The following TMPRSS13 variants were observed in gnomAD, a reference collection of about 807,000 sequenced individuals.
The protein encoded by TMPRSS13 is transmembrane protease serine 13.
Under a neutral mutation model 68.4 loss-of-function variants are expected in TMPRSS13, and 50 were observed. That is an observed-to-expected ratio of 0.73 (90% CI 0.58 to 0.93). The LOEUF (loss-of-function observed/expected upper bound fraction) is 0.93, where lower values mean the gene tolerates loss of function less well. TMPRSS13 is among the 40% of genes least tolerant of loss of function. The probability of loss-of-function intolerance (pLI) is 0.00; values close to 1 mark genes in which losing one functional copy is unlikely to be tolerated. For synonymous variants in TMPRSS13, 267 were observed against 285.8 expected (o/e 0.93, Z 0.66); for missense variants, 615 against 729.2 (o/e 0.84, Z 1.80).
chr11:117,911,658 G>A, intron 6 of TMPRSS13, 110 bp downstream of exon 6: 1 of 792,302 alleles, frequency 1.3e-6, no homozygotes, highest in South Asian at 1.6e-5. Context: ...GTGGACTCCT[G>A]GAGGCTGGAT....
chr11:117,909,797 G>A lies in TMPRSS13; in HGVS notation c.1109+9C>T. On this transcript the variant is annotated intron_variant, in intron 8 of 12. Coordinates refer to ENST00000524993, the MANE Select transcript of TMPRSS13 (RefSeq NM_001077263.3). ...GCAGTGTCAAATCACCTGCCTCTCA[G>A]GCACTTACACGAAGAAGCAGTGGGC... The A allele has an allele frequency of 6.2e-7, 1 of 1,605,496 alleles. No homozygotes were observed. The highest frequency in any genetic ancestry group is 8.5e-7 in the Non-Finnish European group (1 of 1,176,306).
Position 117,925,342 on chromosome 11 carries a change from A to T in TMPRSS13, c.21+3945T>A, listed in dbSNP as rs1674145012. The stretch of plus-strand genomic sequence containing the variant: ...CCGATGCCTCCTGTGCACATGAAAA[A>T]GCTCAAGGAATCCCTGTTAGACCAG... On this transcript the variant is annotated intron_variant, in intron 1 of 12. Transcript: ENST00000524993. 2.0e-5 allele frequency among the ~76,000 whole-genome samples: 3 copies of T among 152,234 alleles called. No individual in the cohort carries two copies. The South Asian group carries it at 6.2e-4, about 32-fold the overall frequency.
intron 8 of TMPRSS13, among the ~76,000 whole-genome samples, chr11:117,908,990 T>C (rs565382667): frequency 6.6e-6 from 1 of 152,306 alleles, no homozygotes; most frequent in African/African-American, 2.4e-5. Context: ...CTTGCAGCTC[T>C]GCACCTTACA....
At chr11:117,919,629 G>A (rs527543945) in intron 1 of TMPRSS13, among the ~76,000 whole-genome samples, 1 of 152,190 alleles carries the variant, frequency 6.6e-6, no homozygotes, top group Non-Finnish European at 1.5e-5. Flanking sequence ...CCATAAGCCG[G>A]GACAATAAAA....
rs73022410 is a variant in TMPRSS13 at position 117,915,027 on chromosome 11, G to C, written c.557-513C>G. 0.056 allele frequency among the ~76,000 whole-genome samples: 8,472 copies of C among 152,124 alleles called. 349 individuals carry two copies. The highest frequency in any genetic ancestry group is 0.12 in the East Asian group (623 of 5,170). ...AGCCTCAAAAGCTCCTAGGTTTTTT[G>C]CTTCTCCCTCTCCCCTGCGCAAGGG... is the stretch of plus-strand genomic sequence containing the variant. On this transcript the variant is annotated intron_variant, in intron 3 of 12. Coordinates refer to ENST00000524993, the MANE Select transcript of TMPRSS13 (RefSeq NM_001077263.3). The surrounding 1 kb of genome is among the most constrained non-coding windows in gnomAD (Gnocchi z 4.9).
At position 117,903,911 on chromosome 11, in the gene TMPRSS13, C is replaced by T. The variant is rs2057435485; in HGVS notation, c.1524+48G>A. On this transcript the variant is annotated intron_variant, in intron 11 of 12. Transcript: ENST00000524993. ...ATCAGCCCCAACACCCCTGCCTCCCCCATCCCCAGGGTGCTGGGACCTGAG... is the reference window on the plus strand; with the variant it reads ...ATCAGCCCCAACACCCCTGCCTCCCTCATCCCCAGGGTGCTGGGACCTGAG... 4 of 1,600,934 alleles carry T rather than the reference C, an allele frequency of 2.5e-6. No individual in the cohort carries two copies. The East Asian group carries it at 9.1e-5, about 36-fold the overall frequency.
At chr11:117,921,705 G>C (rs1369313894) in intron 1 of TMPRSS13, among the ~76,000 whole-genome samples, 2 of 152,204 alleles carry the variant, frequency 1.3e-5, no homozygotes, top group African/African-American at 4.8e-5. Flanking sequence ...CTGGGTCTGG[G>C]GGTATCTAGC....
At chr11:117,908,447 T>C (rs2057485392) in intron 9 of TMPRSS13, 165 bp downstream of exon 9, 1 of 732,422 alleles carries the variant, frequency 1.4e-6, no homozygotes, top group East Asian at 2.7e-5. Flanking sequence ...GTTTCCCTAA[T>C]TATAAAACAG....
intron 10 of TMPRSS13, among the ~76,000 whole-genome samples, chr11:117,904,519 C>A (rs1228412484): frequency 1.3e-5 from 2 of 152,084 alleles, no homozygotes; most frequent in African/African-American, 4.8e-5. Context: ...GGAGAAGTGA[C>A]CTGCCCACAG....
intron 9 of TMPRSS13, among the ~76,000 whole-genome samples, chr11:117,906,678 A>G (rs902785544): frequency 1.3e-5 from 2 of 152,220 alleles, no homozygotes; most frequent in Admixed American, 1.3e-4. Context: ...CAAAAAATAG[A>G]TGAAGGAATA....
Position 117,914,672 on chromosome 11 carries a change from GGAATGCTCCA to G in TMPRSS13, c.557-168_557-159del, listed in dbSNP as rs1288676647. On this transcript the variant is annotated intron_variant, in intron 3 of 12. Transcript: ENST00000524993. The surrounding 1 kb of genome is among the most constrained non-coding windows in gnomAD (Gnocchi z 4.2). ...TCTGTATGGAGAGAAAGGCTGCTCA[GGAATGCTCCA>G]GAATGCTCCAGAAAGCTCCTGCAAG... Among the ~76,000 whole-genome samples the G allele has an allele frequency of 1.3e-5, 2 of 152,090 alleles. No individual in the cohort carries two copies. Among genetic ancestry groups the G allele is most frequent in the African/African-American group, 4.8e-5 (2 of 41,410 alleles).
intron 1 of TMPRSS13, among the ~76,000 whole-genome samples, chr11:117,927,614 A>G (rs750306419): frequency 6.6e-6 from 1 of 152,134 alleles, no homozygotes; most frequent in Non-Finnish European, 1.5e-5. Context: ...ATCACAATGC[A>G]TCTCTCTGCA....
intron 6 of TMPRSS13, among the ~76,000 whole-genome samples, chr11:117,911,146 C>A (rs2057519224): frequency 6.6e-6 from 1 of 152,204 alleles, no homozygotes; most frequent in Non-Finnish European, 1.5e-5. Context: ...GAGCTGGCAT[C>A]CAGCTGCAGC....
At chr11:117,905,351 C>T (rs532918072) in intron 10 of TMPRSS13, among the ~76,000 whole-genome samples, 1 of 152,282 alleles carries the variant, frequency 6.6e-6, no homozygotes, top group Admixed American at 6.5e-5. Context: ...CATGGTTCTT[C>T]ATGGTGTGTT....
chr11:117,914,777 G>C lies in TMPRSS13; in HGVS notation c.557-263C>G, dbSNP rs141980055. Among the ~76,000 whole-genome samples, 1 of 152,138 alleles carries C rather than the reference G, an allele frequency of 6.6e-6. No homozygotes were observed. Among genetic ancestry groups the C allele is most frequent in the Non-Finnish European group, 1.5e-5 (1 of 68,034 alleles). On this transcript the variant is annotated intron_variant, in intron 3 of 12. Transcript: ENST00000524993. The surrounding 1 kb of genome is among the most constrained non-coding windows in gnomAD (Gnocchi z 4.2). ...AGAGAGAAAGAGAGAGAGAGACAGA[G>C]AGTGCTGTGGAGATGGGGACCACCT... is the stretch of plus-strand genomic sequence containing the variant.
At chr11:117,902,294 A>C in intron 12 of TMPRSS13, 29 bp from the exon 13 acceptor site, 1 of 1,613,370 alleles carries the variant, frequency 6.2e-7, no homozygotes, top group Non-Finnish European at 8.5e-7. Context: ...GAAGAGGGTG[A>C]GGGTGGGCCA....
At position 117,924,766 on chromosome 11, in the gene TMPRSS13, C is replaced by T. The variant is rs146164297; in HGVS notation, c.21+4521G>A. Reference sequence around the variant, plus strand: ...TCCAGGTTCCCAAGGCCCTTTCCTACTCTCCCCCTCCCCGAACCCAGAGAA... The same window carrying T: ...TCCAGGTTCCCAAGGCCCTTTCCTATTCTCCCCCTCCCCGAACCCAGAGAA... On this transcript the variant is annotated intron_variant, in intron 1 of 12. Coordinates refer to ENST00000524993, the MANE Select transcript of TMPRSS13 (RefSeq NM_001077263.3). Among the ~76,000 whole-genome samples the T allele has an allele frequency of 3.4e-3, 510 of 152,228 alleles. 1 individual carries two copies. The highest frequency in any genetic ancestry group is 0.014 in the Middle Eastern group (4 of 294).
At chr11:117,904,603 G>A (rs559115399) in intron 10 of TMPRSS13, among the ~76,000 whole-genome samples, 7 of 152,118 alleles carry the variant, frequency 4.6e-5, no homozygotes, top group Non-Finnish European at 7.4e-5. Context: ...TCTGCCTCAC[G>A]GAGGGAGGGA....
In TMPRSS13 at chr11:117,903,745, G is replaced by A. The variant is rs1565344156; in HGVS notation, c.1587C>T (p.Thr529=). ...QNNRWYLAGV[T]SWGTGCGQRN... ...TCTGGCCACAGCCTGTGCCCCAGCTGGTGACACCTGCCAGGTACCAGCGGT... is the reference window on the plus strand; with the variant it reads ...TCTGGCCACAGCCTGTGCCCCAGCTAGTGACACCTGCCAGGTACCAGCGGT... The change falls in exon 12 of 13, where the codon ACC becomes ACT. Residue 529 remains threonine, a synonymous_variant. Coordinates refer to ENST00000524993, the MANE Select transcript of TMPRSS13 (RefSeq NM_001077263.3). 7.4e-6 allele frequency: 12 copies of A among 1,613,016 alleles called. No homozygotes were observed. The highest frequency in any genetic ancestry group is 8.5e-6 in the Non-Finnish European group (10 of 1,179,572).
Sources: gnomAD v4.1 joint callset for allele counts (sites outside exome capture counted in the v4.1 genomes callset) on GRCh38, gnomAD v4.1.1 for gene constraint, Gnocchi (gnomAD v3.1) non-coding constraint, MANE v1.5 for transcripts, NCBI Gene and HGNC (gene_info 2026-07-23, HGNC 2026-07-21) for gene names.